SLC35F3: variants seen among roughly 807,000 people sequenced by gnomAD.
SLC35F3 encodes putative thiamine transporter SLC35F3.
Under a neutral mutation model 49.9 loss-of-function variants are expected in SLC35F3, and 25 were observed. The ratio of observed to expected loss-of-function variants is 0.50; its 90% CI spans 0.37 to 0.70. The LOEUF is 0.70. Ranked by LOEUF, SLC35F3 falls within the 30% of genes least tolerant of loss-of-function variation. The pLI, the probability that SLC35F3 is intolerant of heterozygous loss-of-function variation, is 0.00. For synonymous variants in SLC35F3, 275 were observed against 265.4 expected (o/e 1.04, Z -0.35); for missense variants, 525 against 639.8 (o/e 0.82, Z 1.94).
chr1:234,302,482 C>G (rs967999751), intron 3 of SLC35F3, among the ~76,000 whole-genome samples: 1 of 151,756 alleles, frequency 6.6e-6, no homozygotes, highest in Non-Finnish European at 1.5e-5. Context: ...AGAACTTGAG[C>G]GTAGATGGCT....
intron 3 of SLC35F3, among the ~76,000 whole-genome samples, chr1:234,267,359 T>C (rs1271998787): frequency 1.5e-4 from 21 of 142,318 alleles, no homozygotes; most frequent in Non-Finnish European, 3.1e-4. Flanking sequence ...AAAACCGCCA[T>C]TGTCATCATG....
In SLC35F3 at chr1:234,304,059, TTTCCTTCCTTCCTTTCTTCC is replaced by T. The variant is rs1484970403; in HGVS notation, c.609-5027_609-5008del. On this transcript the variant is annotated intron_variant, in intron 3 of 7. Coordinates refer to ENST00000366618, the MANE Select transcript of SLC35F3 (RefSeq NM_173508.4). The stretch of plus-strand genomic sequence containing the variant: ...CTTCCTTCCTTCTTTCTTTCCTTCC[TTTCCTTCCTTCCTTTCTTCC>T]TTCCTTCCTTCCTTCCTTCTTCCTC... Among the ~76,000 whole-genome samples the T allele has an allele frequency of 1.9e-4, 14 of 75,144 alleles. No individual in the cohort carries two copies. The South Asian group carries it at 2.0e-3, about 11-fold the overall frequency. The allele number at this position is 75,144 out of a possible 152,430, so 49.3% of individuals were successfully genotyped here. A position where few individuals can be genotyped will look rare whatever the true frequency, so the allele number is the denominator to read the frequency against.
intron 2 of SLC35F3, among the ~76,000 whole-genome samples, chr1:234,227,135 C>A (rs1667298273): frequency 6.6e-6 from 1 of 152,160 alleles, no homozygotes; most frequent in Non-Finnish European, 1.5e-5. Context: ...CGTCTGTCAG[C>A]ACGAGCATTG....
chr1:234,231,448 G>T lies in SLC35F3; in HGVS notation c.315G>T (p.Pro105=). The T allele has an allele frequency of 6.2e-7, 1 of 1,604,726 alleles. No homozygotes were observed. Among genetic ancestry groups the T allele is most frequent in the African/African-American group, 1.3e-5 (1 of 74,812 alleles). Residue 105 remains proline, a synonymous_variant, in exon 3 of 8, where the codon CCG becomes CCT. Coordinates refer to ENST00000366618, the MANE Select transcript of SLC35F3 (RefSeq NM_173508.4). The surrounding 1 kb of genome is among the most constrained non-coding windows in gnomAD (Gnocchi z 5.4). ...REERPRDSPG[P]AEAQAPAGVE... Reference sequence around the variant, plus strand: ...AGCGCCCCCGGGACTCCCCGGGCCCGGCGGAGGCCCAGGCACCGGCCGGGG... The same window carrying T: ...AGCGCCCCCGGGACTCCCCGGGCCCTGCGGAGGCCCAGGCACCGGCCGGGG...
intron 2 of SLC35F3, chr1:234,213,368 A>C (rs1667069822): frequency 6.6e-6 from 1 of 152,254 alleles, no homozygotes; most frequent in Non-Finnish European, 1.5e-5. Context: ...TGGGACCCAC[A>C]CTGATGGCTG....
chr1:233,967,518 G>A (rs1179879896), intron 2 of SLC35F3, among the ~76,000 whole-genome samples: 7 of 152,180 alleles, frequency 4.6e-5, no homozygotes, highest in African/African-American at 1.2e-4. Context: ...TTGAATGTCA[G>A]TATCTGCATT....
At chr1:234,306,875 GT>G (rs1347973860) in intron 3 of SLC35F3, among the ~76,000 whole-genome samples, 1 of 152,174 alleles carries the variant, frequency 6.6e-6, no homozygotes. Context: ...AAGATGAATT[GT>G]TTTTCATGAC....
At chr1:233,924,762 G>C (rs534232963) in intron 2 of SLC35F3, among the ~76,000 whole-genome samples, 1 of 152,178 alleles carries the variant, frequency 6.6e-6, no homozygotes, top group Admixed American at 6.5e-5. Flanking sequence ...TTTCTCTTAT[G>C]GCCATTTAGT....
chr1:234,129,957 C>T (rs10910349), intron 2 of SLC35F3, among the ~76,000 whole-genome samples: 69,952 of 151,974 alleles, frequency 0.46, 17,245 homozygotes, highest in Non-Finnish European at 0.56. Flanking sequence ...ACTATAAAAC[C>T]TCCAGAGGAA....
chr1:234,303,662 T>A (rs1359651333), intron 3 of SLC35F3, among the ~76,000 whole-genome samples: 1 of 152,260 alleles, frequency 6.6e-6, no homozygotes, highest in East Asian at 1.9e-4. Context: ...TGTTAATGCG[T>A]TGTGCCATGA....
At chr1:234,104,452 GAT>G (rs1665254453) in intron 2 of SLC35F3, among the ~76,000 whole-genome samples, 1 of 152,076 alleles carries the variant, frequency 6.6e-6, no homozygotes. Context: ...AGATGCAAAA[GAT>G]AAAAGATTAC....
At chr1:234,139,982 A>G (rs573225217) in intron 2 of SLC35F3, among the ~76,000 whole-genome samples, 10 of 141,018 alleles carry the variant, frequency 7.1e-5, no homozygotes, top group Non-Finnish European at 1.4e-4. Context: ...AATAAAATAA[A>G]ATAAAATAAA....
intron 2 of SLC35F3, among the ~76,000 whole-genome samples, chr1:233,949,044 A>G (rs1662562044): frequency 6.6e-6 from 1 of 151,974 alleles, no homozygotes; most frequent in South Asian, 2.1e-4. Flanking sequence ...AGCTCCTTCC[A>G]TCAGTAGTTC....
chr1:234,112,722 ATTTTTTTTTTTTT>A (rs1157248348), intron 2 of SLC35F3, among the ~76,000 whole-genome samples: 1 of 33,546 alleles, frequency 3.0e-5, no homozygotes, highest in Non-Finnish European at 4.9e-5. Context: ...TGCCCAGCTA[ATTTTTTTTTTTTT>A]TTTTTTTTTT....
intron 2 of SLC35F3, among the ~76,000 whole-genome samples, chr1:234,156,524 A>G (rs1256536234): frequency 1.3e-5 from 2 of 152,210 alleles, no homozygotes; most frequent in Non-Finnish European, 2.9e-5. Flanking sequence ...GGAAAACGGT[A>G]AAGACACTTT....
intron 2 of SLC35F3, among the ~76,000 whole-genome samples, chr1:234,130,642 CA>C (rs35859323): frequency 1.2e-3 from 154 of 125,710 alleles, no homozygotes; most frequent in East Asian, 4.5e-3. Context: ...GAGACTCTGT[CA>C]AAAAAAAAAA....
At chr1:234,058,554 A>G (rs1664491746) in intron 2 of SLC35F3, among the ~76,000 whole-genome samples, 1 of 151,894 alleles carries the variant, frequency 6.6e-6, no homozygotes, top group African/African-American at 2.4e-5. Flanking sequence ...CTGTTTCCCA[A>G]GCTGGTCTCA....
intron 4 of SLC35F3, among the ~76,000 whole-genome samples, chr1:234,314,631 G>C (rs1311898426): frequency 6.6e-6 from 1 of 152,124 alleles, no homozygotes; most frequent in Non-Finnish European, 1.5e-5. Context: ...TGTGGTGGCG[G>C]GCACCTGTAG....
At chr1:234,134,545 G>A (rs1204879047) in intron 2 of SLC35F3, among the ~76,000 whole-genome samples, 1 of 150,922 alleles carries the variant, frequency 6.6e-6, no homozygotes, top group African/African-American at 2.4e-5. Flanking sequence ...TCAGGTAACA[G>A]TACAATAAAG....
Sources: gnomAD v4.1 joint callset for allele counts (sites outside exome capture counted in the v4.1 genomes callset) on GRCh38, gnomAD v4.1.1 for gene constraint, Gnocchi (gnomAD v3.1) non-coding constraint, MANE v1.5 for transcripts, NCBI Gene and HGNC (gene_info 2026-07-23, HGNC 2026-07-21) for gene names.